EPAS1: variants seen among roughly 807,000 people sequenced by gnomAD.
EPAS1 encodes the protein endothelial PAS domain protein 1.
Under a neutral mutation model 87.9 loss-of-function variants are expected in EPAS1, and 23 were observed. The ratio of observed to expected loss-of-function variants is 0.26; its 90% CI spans 0.19 to 0.37. The LOEUF (loss-of-function observed/expected upper bound fraction) is 0.37, where lower values mean the gene tolerates loss of function less well. Ranked by LOEUF, EPAS1 falls within the 10% of genes least tolerant of loss-of-function variation. EPAS1 has a pLI of 1.00. For missense variants in EPAS1, 1,138 were observed against 1,120.7 expected, an observed-to-expected ratio of 1.02 and a Z score of -0.22; for synonymous variants, 508 against 444.3, an observed-to-expected ratio of 1.14 and a Z score of -1.80.
At chr2:46,335,073 T>C (rs879018856) in intron 1 of EPAS1, among the ~76,000 whole-genome samples, 1 of 152,156 alleles carries the variant, frequency 6.6e-6, no homozygotes, top group East Asian at 1.9e-4. Context: ...TTCCTTTTTT[T>C]AATAGGGAGG....
chr2:46,349,919 G>A (rs1684115777), intron 2 of EPAS1, among the ~76,000 whole-genome samples: 1 of 152,186 alleles, frequency 6.6e-6, no homozygotes, highest in South Asian at 2.1e-4. Flanking sequence ...TTCTTTCTCT[G>A]CAATGTAGTA....
chr2:46,361,420 G>A (rs1229828435), intron 6 of EPAS1, among the ~76,000 whole-genome samples: 1 of 152,180 alleles, frequency 6.6e-6, no homozygotes, highest in African/African-American at 2.4e-5. Context: ...TGCCCCAGGA[G>A]AAAGAGTCTA....
In EPAS1 at chr2:46,376,617, C is replaced by T. The variant is rs149518347; in HGVS notation, c.1113C>T (p.Asn371=). ...TCAAGCCCCACCTGATGGCCATGAA[C>T]AGCATCTTTGATAGCAGTGGCAAGG... ...SLFKPHLMAM[N]SIFDSSGKGA... Residue 371 remains asparagine, a synonymous_variant, in exon 9 of 16, where the codon AAC becomes AAT. Coordinates refer to ENST00000263734, the MANE Select transcript of EPAS1 (RefSeq NM_001430.5). 266 of 1,614,198 alleles carry T rather than the reference C, an allele frequency of 1.6e-4. No homozygotes were observed. In the African/African-American group the frequency reaches 3.0e-3, roughly 18 times the overall value.
rs185294250 is a variant in EPAS1 at position 46,345,180 on chromosome 2, A to T, written c.27-1693A>T. Among the ~76,000 whole-genome samples, 358 of 152,218 alleles carry T rather than the reference A, an allele frequency of 2.4e-3. 5 individuals carry two copies. The highest frequency in any genetic ancestry group is 7.8e-3 in the African/African-American group (323 of 41,532). On this transcript the variant is annotated intron_variant, in intron 1 of 15. Coordinates refer to ENST00000263734, the MANE Select transcript of EPAS1 (RefSeq NM_001430.5). The stretch of plus-strand genomic sequence containing the variant: ...ATTTTTATAGAGACAGGGTCTCACT[A>T]TATTGCCCGGGCTGGTCTTGAACTC...
rs375025542 is a variant in EPAS1, at chr2:46,298,274, G to C, written c.26+337G>C. 1.1e-3 allele frequency among the ~76,000 whole-genome samples: 171 copies of C among 152,334 alleles called. 1 individual carries two copies. The highest frequency in any genetic ancestry group is 3.3e-3 in the African/African-American group (138 of 41,586). ...GCAGCAGATTACCGTGGCCACCGGC[G>C]CTTGGAAATGTTTGTGGGTGCATGT... is the stretch of plus-strand genomic sequence containing the variant. On this transcript the variant is annotated intron_variant, in intron 1 of 15. Coordinates refer to ENST00000263734, the MANE Select transcript of EPAS1 (RefSeq NM_001430.5).
intron 1 of EPAS1, among the ~76,000 whole-genome samples, chr2:46,301,621 C>T (rs1683001841): frequency 6.7e-6 from 1 of 149,916 alleles, no homozygotes; most frequent in Non-Finnish European, 1.5e-5. Context: ...TTATTACTTT[C>T]AATTAAGTAT....
chr2:46,319,913 A>C (rs1192927598), intron 1 of EPAS1, among the ~76,000 whole-genome samples: 7 of 152,348 alleles, frequency 4.6e-5, no homozygotes, highest in African/African-American at 1.7e-4. Flanking sequence ...AATGCCAGTC[A>C]GTTTAAACAT....
intron 15 of EPAS1, among the ~76,000 whole-genome samples, chr2:46,383,951 TG>T (rs569197749): frequency 2.0e-4 from 31 of 152,296 alleles, no homozygotes; most frequent in African/African-American, 7.5e-4. Flanking sequence ...GGCTCTCTGC[TG>T]CCACCTAAGC....
At chr2:46,372,194 A>T (rs115281428) in intron 7 of EPAS1, among the ~76,000 whole-genome samples, 1,837 of 152,356 alleles carry the variant, frequency 0.012, 21 homozygotes, top group Non-Finnish European at 0.02. Context: ...CCCTGAGCTC[A>T]GAAACCCATA....
rs1318625040 is a variant in EPAS1, at chr2:46,328,368, A to G, written c.27-18505A>G. 3.9e-5 allele frequency among the ~76,000 whole-genome samples: 6 copies of G among 152,200 alleles called. No homozygotes were observed. The East Asian group carries it at 1.2e-3, about 29-fold the overall frequency. On this transcript the variant is annotated intron_variant, in intron 1 of 15. Coordinates refer to ENST00000263734, the MANE Select transcript of EPAS1 (RefSeq NM_001430.5). ...CCATACCACTCTTCGTTAACCAAAC[A>G]TGGGAGGTGGCAGGCCCATTTAGAT...
intron 1 of EPAS1, among the ~76,000 whole-genome samples, chr2:46,298,237 C>G (rs1367910672): frequency 2.0e-5 from 3 of 152,196 alleles, no homozygotes; most frequent in Non-Finnish European, 4.4e-5. Flanking sequence ...TTGAAAATCT[C>G]CCAGCCGCCC....
chr2:46,376,898 C>A, intron 9 of EPAS1, 145 bp downstream of exon 9: 2 of 814,668 alleles, frequency 2.5e-6, no homozygotes, highest in South Asian at 1.5e-5. Context: ...CTGTTAGAGG[C>A]CAGGCCCTGC....
chr2:46,308,460 T>TTG (rs541300033), intron 1 of EPAS1, among the ~76,000 whole-genome samples: 2,042 of 109,238 alleles, frequency 0.019, 79 homozygotes, highest in Admixed American at 0.095. Flanking sequence ...TGCTTTTTTT[T>TTG]GGGGGGGGGG....
At chr2:46,363,107 G>C (rs1394976731) in intron 6 of EPAS1, among the ~76,000 whole-genome samples, 2 of 152,156 alleles carry the variant, frequency 1.3e-5, no homozygotes, top group African/African-American at 2.4e-5. Context: ...TTTATCAGAT[G>C]CAGTCTTTGT....
Position 46,375,972 on chromosome 2 carries a change from G to A in EPAS1, c.1034+135G>A, listed in dbSNP as rs1343395463. On this transcript the variant is annotated intron_variant, in intron 8 of 15. Transcript: ENST00000263734. This position sits in a 1 kb window ranked among gnomAD's most constrained non-coding sequence, Gnocchi z 4.1. Reference sequence around the variant, plus strand: ...GCACCACCTCAGGGAGGTCTTGCAGGGCTAACCCTAGTGACTGAGAGGACT... The same window carrying A: ...GCACCACCTCAGGGAGGTCTTGCAGAGCTAACCCTAGTGACTGAGAGGACT... 1 of 1,194,360 alleles carries A rather than the reference G, an allele frequency of 8.4e-7. No individual in the cohort carries two copies. The highest frequency in any genetic ancestry group is 1.2e-6 in the Non-Finnish European group (1 of 811,440). The allele number at this position is 1,194,360 out of a possible 1,614,324, so 74.0% of individuals were successfully genotyped here.
intron 1 of EPAS1, among the ~76,000 whole-genome samples, chr2:46,318,179 G>T (rs370524418): frequency 1.5e-4 from 5 of 33,810 alleles, no homozygotes; most frequent in African/African-American, 6.3e-4. Context: ...GGGAGAGAGA[G>T]ATACACACAC....
intron 9 of EPAS1, 58 bp downstream of exon 9, chr2:46,376,811 CT>C: frequency 6.4e-7 from 1 of 1,573,346 alleles, no homozygotes; most frequent in Non-Finnish European, 8.7e-7. Context: ...GGGAAGAGTT[CT>C]TACTATAACA....
chr2:46,298,011 A>C lies in EPAS1; in HGVS notation c.26+74A>C, dbSNP rs1255071111. 3.2e-6 allele frequency: 5 copies of C among 1,574,240 alleles called. No individual in the cohort carries two copies. The African/African-American group carries it at 5.4e-5, about 17-fold the overall frequency. On this transcript the variant is annotated intron_variant, in intron 1 of 15. Coordinates refer to ENST00000263734, the MANE Select transcript of EPAS1 (RefSeq NM_001430.5). ...GGGCTGCGCGGGGCAGGCGCGACCG[A>C]GAGTGGTTGGGAGAAGAGTGCTGAG...
In EPAS1 at chr2:46,346,740, C is replaced by G; in HGVS notation, c.27-133C>G. The G allele has an allele frequency of 1.1e-6, 1 of 897,598 alleles. No individual in the cohort carries two copies. Among genetic ancestry groups the G allele is most frequent in the Non-Finnish European group, 1.8e-6 (1 of 564,022 alleles). The allele number at this position is 897,598 out of a possible 1,614,324, so 55.6% of individuals were successfully genotyped here. On this transcript the variant is annotated intron_variant, in intron 1 of 15. Transcript: ENST00000263734. The surrounding 1 kb of genome is among the most constrained non-coding windows in gnomAD (Gnocchi z 4.0). Reference sequence around the variant, plus strand: ...AGCAGGTTGTGTGTGGCTCAGACAACTGGTGTGAGCCCAGATCAGTCTAGT... The same window carrying G: ...AGCAGGTTGTGTGTGGCTCAGACAAGTGGTGTGAGCCCAGATCAGTCTAGT...
Sources: allele counts gnomAD v4.1 joint callset (sites outside exome capture counted in the v4.1 genomes callset), GRCh38; gene constraint gnomAD v4.1.1; non-coding constraint Gnocchi (gnomAD v3.1); transcripts MANE v1.5; gene names NCBI Gene and HGNC (gene_info 2026-07-23, HGNC 2026-07-21).